Variants in GALNT9 observed in about 807,000 individuals in gnomAD.
The protein encoded by GALNT9 is polypeptide N-acetylgalactosaminyltransferase 9, also known as GalNAc transferase 9.
GALNT9 carries 47 observed loss-of-function variants against 63.1 expected under a neutral mutation model. That is an observed-to-expected ratio of 0.75 (90% CI 0.59 to 0.95). GALNT9 has a LOEUF of 0.95. GALNT9 is among the 40% of genes least tolerant of loss of function. The probability of loss-of-function intolerance (pLI) is 0.00; values close to 1 mark genes in which losing one functional copy is unlikely to be tolerated. For synonymous variants in GALNT9, 396 were observed against 365.7 expected (o/e 1.08, Z -0.94); for missense variants, 829 against 874.8 (o/e 0.95, Z 0.66).
chr12:132,253,227 G>A (rs1878993298), intron 5 of GALNT9, among the ~76,000 whole-genome samples: 2 of 152,148 alleles, frequency 1.3e-5, no homozygotes, highest in Non-Finnish European at 2.9e-5. Context: ...GACCATTGAA[G>A]CACCACAGGG....
chr12:132,322,284 C>T (rs1422734436), intron 1 of GALNT9, among the ~76,000 whole-genome samples: 1 of 152,234 alleles, frequency 6.6e-6, no homozygotes, highest in Non-Finnish European at 1.5e-5. Context: ...ACTCACTCCC[C>T]GTCTTCCTCC....
chr12:132,224,647 A>G (rs1156251506), intron 6 of GALNT9, among the ~76,000 whole-genome samples: 1 of 75,100 alleles, frequency 1.3e-5, no homozygotes, highest in African/African-American at 5.7e-5. Context: ...CCCAGCGTAC[A>G]TACACACCCC....
At chr12:132,222,081 G>A (rs1237471011) in intron 6 of GALNT9, among the ~76,000 whole-genome samples, 1 of 152,148 alleles carries the variant, frequency 6.6e-6, no homozygotes, top group Non-Finnish European at 1.5e-5. Context: ...GGCTGAGGAT[G>A]GAGATTTGAT....
chr12:132,327,929 C>T lies in GALNT9; in HGVS notation c.238+1037G>A, dbSNP rs891477593. 6.6e-6 allele frequency among the ~76,000 whole-genome samples: 1 copy of T among 152,036 alleles called. No individual in the cohort carries two copies. Among genetic ancestry groups the T allele is most frequent in the Non-Finnish European group, 1.5e-5 (1 of 67,998 alleles). ...ACACAGCAGGCACATCCGGAGCCCC[C>T]GCCTGCCCGCGTAACCCCAGCTCCC... On this transcript the variant is annotated intron_variant, in intron 1 of 10. Transcript: ENST00000328957. The surrounding 1 kb of genome is among the most constrained non-coding windows in gnomAD (Gnocchi z 4.3).
chr12:132,237,199 T>C (rs1484095318), intron 6 of GALNT9, among the ~76,000 whole-genome samples: 1 of 152,108 alleles, frequency 6.6e-6, no homozygotes, highest in East Asian at 1.9e-4. Context: ...TGCCTTCACG[T>C]GGAGCTCCTG....
At chr12:132,324,012 G>A (rs1555246316) in intron 1 of GALNT9, among the ~76,000 whole-genome samples, 1 of 152,198 alleles carries the variant, frequency 6.6e-6, no homozygotes, top group Non-Finnish European at 1.5e-5. Context: ...GGGTAGAGAC[G>A]ATGAACTCAA....
rs1473798934 is a variant in GALNT9, at chr12:132,221,379, G to A, written c.1078-17689C>T. Among the ~76,000 whole-genome samples, 4 of 109,582 alleles carry A rather than the reference G, an allele frequency of 3.7e-5. No homozygotes were observed. In the East Asian group the frequency reaches 1.1e-3, roughly 29 times the overall value. 71.9% of individuals were successfully genotyped at this position (109,582 alleles called of 152,430 possible). On this transcript the variant is annotated intron_variant, in intron 6 of 10. Coordinates refer to ENST00000328957, the MANE Select transcript of GALNT9 (RefSeq NM_001122636.2). ...AAAAAAAAAAAAAAAAAAAAAAAAG[G>A]GCTGGGTGCGATGGCTCATGCCTGT...
intron 2 of GALNT9, among the ~76,000 whole-genome samples, chr12:132,284,961 G>A (rs143314404): frequency 3.9e-5 from 6 of 152,332 alleles, no homozygotes; most frequent in East Asian, 3.9e-4. Context: ...GTGAGTGAAC[G>A]CCCTGGGAAC....
At position 132,329,397 on chromosome 12, in the gene GALNT9, G is replaced by A. The variant is rs28610245; in HGVS notation, c.-194C>T. 4 of 651,634 alleles carry A rather than the reference G, an allele frequency of 6.1e-6. No individual in the cohort carries two copies. The highest frequency in any genetic ancestry group is 1.9e-5 in the African/African-American group (1 of 52,512). The allele number at this position is 651,634 out of a possible 1,614,324, so 40.4% of individuals were successfully genotyped here. On this transcript the variant is annotated 5_prime_UTR_variant, in exon 1 of 11. Transcript: ENST00000328957. The stretch of plus-strand genomic sequence containing the variant: ...CGCCGGGGGTCCCCCAGAGCGCAGA[G>A]GGCTGCCCGGGGCTGGGGTCGCGGG...
intron 2 of GALNT9, among the ~76,000 whole-genome samples, chr12:132,281,813 AGG>A (rs1880356362): frequency 6.6e-6 from 1 of 152,026 alleles, no homozygotes; most frequent in African/African-American, 2.4e-5. Flanking sequence ...GATCCCACAG[AGG>A]AGGAATCAGC....
intron 6 of GALNT9, among the ~76,000 whole-genome samples, chr12:132,210,503 T>G (rs7977750): frequency 1.3e-5 from 2 of 152,046 alleles, no homozygotes; most frequent in South Asian, 2.1e-4. Context: ...GAGGACTGAG[T>G]GGGGCCATGA....
Position 132,281,523 on chromosome 12 carries a change from G to A in GALNT9, c.419+4727C>T, listed in dbSNP as rs781928770. ...AAAATTCACATTCTCTAATTCAGGA[G>A]GCAGAGAGCTGTGTGCCTTCAAACC... is the stretch of plus-strand genomic sequence containing the variant. On this transcript the variant is annotated intron_variant, in intron 2 of 10. Transcript: ENST00000328957. Among the ~76,000 whole-genome samples, 25 of 152,222 alleles carry A rather than the reference G, an allele frequency of 1.6e-4. 1 individual carries two copies. Among genetic ancestry groups the A allele is most frequent in the Non-Finnish European group, 3.5e-4 (24 of 68,034 alleles).
intron 1 of GALNT9, among the ~76,000 whole-genome samples, chr12:132,297,619 C>G (rs914680557): frequency 2.0e-5 from 3 of 151,890 alleles, no homozygotes; most frequent in African/African-American, 7.3e-5. Flanking sequence ...AACCAGCTCA[C>G]TTCTGAGATG....
intron 4 of GALNT9, among the ~76,000 whole-genome samples, chr12:132,260,589 G>A (rs915360622): frequency 6.6e-6 from 1 of 152,188 alleles, no homozygotes; most frequent in African/African-American, 2.4e-5. Context: ...ACCCCGCGGG[G>A]GACACACGGT....
chr12:132,318,972 T>C (rs1593124726), intron 1 of GALNT9, among the ~76,000 whole-genome samples: 1 of 152,330 alleles, frequency 6.6e-6, no homozygotes, highest in East Asian at 1.9e-4. Context: ...TTCAGGGCCC[T>C]GCTCATGCAC....
chr12:132,256,243 CA>C (rs1891582200), intron 5 of GALNT9, among the ~76,000 whole-genome samples: 1 of 152,054 alleles, frequency 6.6e-6, no homozygotes, highest in Non-Finnish European at 1.5e-5. Flanking sequence ...AGCCTCCACC[CA>C]GGATGAATTT....
chr12:132,296,011 A>AGCCTCCAAACAGGGACG lies in GALNT9; in HGVS notation c.239-9582_239-9581insCGTCCCTGTTTGGAGGC. The stretch of plus-strand genomic sequence containing the variant: ...CAGGGACGGCCTCCGGAACAGGGAG[A>AGCCTCCAAACAGGGACG]GCCTCCGGAACAGGGAGAGCCTCCA... On this transcript the variant is annotated intron_variant, in intron 1 of 10. Coordinates refer to ENST00000328957, the MANE Select transcript of GALNT9 (RefSeq NM_001122636.2). The surrounding 1 kb of genome is among the most constrained non-coding windows in gnomAD (Gnocchi z 4.2). 7.8e-6 allele frequency among the ~76,000 whole-genome samples: 1 copy of AGCCTCCAAACAGGGACG among 128,946 alleles called. No individual in the cohort carries two copies. Among genetic ancestry groups the AGCCTCCAAACAGGGACG allele is most frequent in the African/African-American group, 3.2e-5 (1 of 31,588 alleles). The allele number at this position is 128,946 out of a possible 152,430, so 84.6% of individuals were successfully genotyped here. A position where few individuals can be genotyped will look rare whatever the true frequency, so the allele number is the denominator to read the frequency against.
In GALNT9 at chr12:132,260,968, G is replaced by T; in HGVS notation, c.741C>A (p.His247Gln). 1 of 1,547,088 alleles carries T rather than the reference G, an allele frequency of 6.5e-7. No individual in the cohort carries two copies. The highest frequency in any genetic ancestry group is 2.5e-5 in the East Asian group (1 of 40,686). Residue 247 changes from histidine (H) to glutamine (Q), a missense_variant, in exon 4 of 11, where the codon CAC becomes CAA. By Grantham distance (24) the His-to-Gln change is conservative. Coordinates refer to ENST00000328957, the MANE Select transcript of GALNT9 (RefSeq NM_001122636.2). ...CTTACCAGCCCGTGTTGAACTCGAC[G>T]TGGGCATCAAAGAAGCCGACGACTG... ...TAPVVGFFDA[H>Q]VEFNTGWAEP...
intron 10 of GALNT9, 145 bp from the exon 11 acceptor site, chr12:132,197,398 CA>C (rs1398252725): frequency 5.6e-6 from 7 of 1,241,008 alleles, no homozygotes; most frequent in South Asian, 1.5e-5. Flanking sequence ...CAGCAGCACC[CA>C]GGGGGGCCGG....
Sources: allele counts gnomAD v4.1 joint callset (sites outside exome capture counted in the v4.1 genomes callset), GRCh38; gene constraint gnomAD v4.1.1; non-coding constraint Gnocchi (gnomAD v3.1); transcripts MANE v1.5; gene names NCBI Gene and HGNC (gene_info 2026-07-23, HGNC 2026-07-21).